XAGE5: variants seen among roughly 807,000 people sequenced by gnomAD.
XAGE5 encodes the protein G antigen, family D, 5.
Under a neutral mutation model 13.1 loss-of-function variants are expected in XAGE5, and 13 were observed. The ratio of observed to expected loss-of-function variants is 0.99; its 90% CI spans 0.64 to 1.57. The LOEUF is 1.57. Among genes scored for constraint, XAGE5 ranks in the 40% most tolerant of loss-of-function variants. The pLI is 0.00. For missense variants in XAGE5, 86 were observed against 77.6 expected (o/e 1.11, Z -0.41); for synonymous variants, 17 against 25.0 (o/e 0.68, Z 0.96).
At chrX:52,815,692 T>G (rs1428000227) in intron 5 of XAGE5, among the ~76,000 whole-genome samples, 1 of 112,551 alleles carries the variant, frequency 8.9e-6, no homozygotes, top group Non-Finnish European at 1.9e-5. Context: ...ATCCATTTCA[T>G]TGCTGATTTC....
At chrX:52,814,218 C>T (rs1556777781) in intron 4 of XAGE5, 1 of 330,441 alleles carries the variant, frequency 3.0e-6, no homozygotes, top group South Asian at 2.6e-5. Flanking sequence ...GGACAAAACG[C>T]AGTTCAGTGA....
At chrX:52,814,919 C>A (rs1203109561) in intron 4 of XAGE5, 173 bp from the exon 5 acceptor site, 7 of 520,200 alleles carry the variant, frequency 1.3e-5, no homozygotes, top group Non-Finnish European at 2.2e-5. Context: ...TGTGCTGAGA[C>A]TTATCCTCAG....
At chrX:52,818,079 T>C in intron 5 of XAGE5, 112 bp from the exon 6 acceptor site, 1 of 922,929 alleles carries the variant, frequency 1.1e-6, no homozygotes. Context: ...CTTCAGATTC[T>C]GGTTTTAGTC....
At chrX:52,817,487 G>C (rs1355594376) in intron 5 of XAGE5, among the ~76,000 whole-genome samples, 1 of 111,574 alleles carries the variant, frequency 9.0e-6, no homozygotes, top group African/African-American at 3.3e-5. Flanking sequence ...AACGGGAATA[G>C]TTTCCAGTGA....
chrX:52,811,557 C>T lies in XAGE5; in HGVS notation c.-171C>T, dbSNP rs192081535. 1.9e-3 allele frequency among the ~76,000 whole-genome samples: 207 copies of T among 110,742 alleles called. No homozygotes were observed. Among genetic ancestry groups the T allele is most frequent in the Non-Finnish European group, 3.3e-3 (176 of 52,868 alleles). On this transcript the variant is annotated 5_prime_UTR_variant, in exon 2 of 6. The change creates a new upstream start codon in the 5' untranslated region. Transcript: ENST00000375501. ...CCTTCTTGTCTTGTAGGGGTCAGGA[C>T]GAAGGAAGAAGGAGGGCTTCGGAGT...
At chrX:52,812,277 G>C (rs187984341) in intron 2 of XAGE5, 11 of 266,214 alleles carry the variant, frequency 4.1e-5, no homozygotes, top group African/African-American at 3.1e-4. Context: ...GCTTTGGTTT[G>C]GTTTGGCTTT....
In XAGE5 at chrX:52,813,127, G is replaced by A. The variant is rs376750831; in HGVS notation, c.73-13G>A. 91 of 1,199,118 alleles carry A rather than the reference G, an allele frequency of 7.6e-5. No homozygotes were observed. Among genetic ancestry groups the A allele is most frequent in the Middle Eastern group, 2.3e-4 (1 of 4,337 alleles). On this transcript the variant is annotated splice_polypyrimidine_tract_variant and intron_variant, in intron 3 of 5. Coordinates refer to ENST00000375501, the MANE Select transcript of XAGE5 (RefSeq NM_001386970.1). ...TCCACACACACACACCACCACCCCC[G>A]CCCTTGTCCCAGGAGCCCAGTGTGC...
intron 2 of XAGE5, among the ~76,000 whole-genome samples, chrX:52,811,959 A>C (rs782040201): frequency 9.0e-6 from 1 of 111,273 alleles, no homozygotes; most frequent in East Asian, 2.8e-4. Context: ...GGGCACTTTA[A>C]TTTTAATTCT....
chrX:52,811,821 C>T (rs912077510), intron 2 of XAGE5, among the ~76,000 whole-genome samples, 102 bp downstream of exon 2: 1 of 110,739 alleles, frequency 9.0e-6, no homozygotes, highest in African/African-American at 3.3e-5. Flanking sequence ...GAGGACTGCC[C>T]AGTGCTATGT....
At chrX:52,815,891 T>C (rs1427189215) in intron 5 of XAGE5, among the ~76,000 whole-genome samples, 1 of 112,405 alleles carries the variant, frequency 8.9e-6, no homozygotes, top group African/African-American at 3.2e-5. Flanking sequence ...TTCTTGGATT[T>C]TGTCAAATCC....
At chrX:52,814,510 T>G (rs1261564493) in intron 4 of XAGE5, among the ~76,000 whole-genome samples, 1 of 112,415 alleles carries the variant, frequency 8.9e-6, no homozygotes, top group Non-Finnish European at 1.9e-5. Context: ...TGGATTATTT[T>G]AGCAATTCAC....
At position 52,813,183 on chromosome X, in the gene XAGE5, A is replaced by G. The variant is rs1392362613; in HGVS notation, c.116A>G (p.Glu39Gly). ...PEPQQEEPPT[E>G]SQDHTPGQKR... ...CCTCAACAAGAAGAACCACCAACTG[A>G]AAGTCAGGATCATACACCTGGTCAG... is the stretch of plus-strand genomic sequence containing the variant. Residue 39 changes from glutamate to glycine, a missense_variant, in exon 4 of 6, where the codon GAA (glutamate) becomes GGA (glycine). Physicochemically the swap from Glu to Gly is moderately conservative, Grantham distance 98. Transcript: ENST00000375501. 1 of 1,209,209 alleles carries G rather than the reference A, an allele frequency of 8.3e-7. No individual in the cohort carries two copies. The highest frequency in any genetic ancestry group is 1.1e-6 in the Non-Finnish European group (1 of 894,966).
intron 2 of XAGE5, 71 bp from the exon 3 acceptor site, chrX:52,812,487 TG>T: frequency 1.0e-6 from 1 of 989,358 alleles, no homozygotes; most frequent in Non-Finnish European, 1.4e-6. Flanking sequence ...TTGGCCAAGC[TG>T]GCCTCGAGCT....
intron 4 of XAGE5, chrX:52,814,196 G>A (rs1343212260): frequency 1.2e-5 from 4 of 327,473 alleles, no homozygotes; most frequent in Admixed American, 3.1e-5. Flanking sequence ...AAGGTACTTC[G>A]ATATTGGCTC....
chrX:52,813,159 C>T lies in XAGE5; in HGVS notation c.92C>T (p.Pro31Leu). The T allele has an allele frequency of 8.3e-7, 1 of 1,210,845 alleles. No homozygotes were observed. Among genetic ancestry groups the T allele is most frequent in the East Asian group, 3.0e-5 (1 of 33,823 alleles). The stretch of plus-strand genomic sequence containing the variant: ...TCCCAGGAGCCCAGTGTGCCAGAGC[C>T]TCAACAAGAAGAACCACCAACTGAA... ...GPMLEPSVPE[P>L]QQEEPPTESQ... The change falls in exon 4 of 6, where the codon CCT (proline) becomes CTT (leucine). Residue 31 changes from proline to leucine, a missense_variant. By Grantham distance (98) the Pro-to-Leu change is moderately conservative (BLOSUM62 -3). Coordinates refer to ENST00000375501, the MANE Select transcript of XAGE5 (RefSeq NM_001386970.1).
At chrX:52,813,959 C>T (rs1289865585) in intron 4 of XAGE5, among the ~76,000 whole-genome samples, 6 of 110,988 alleles carry the variant, frequency 5.4e-5, no homozygotes, top group Non-Finnish European at 9.4e-5. Context: ...GCCAAGATCG[C>T]GCCACTGCAC....
At chrX:52,813,837 T>C (rs1926851505) in intron 4 of XAGE5, among the ~76,000 whole-genome samples, 1 of 111,269 alleles carries the variant, frequency 9.0e-6, no homozygotes, top group Admixed American at 9.6e-5. Context: ...ATCCTGTCTC[T>C]ACTAAAAATA....
intron 5 of XAGE5, among the ~76,000 whole-genome samples, chrX:52,815,425 G>GA (rs1308070045): frequency 8.9e-6 from 1 of 112,202 alleles, no homozygotes; most frequent in Non-Finnish European, 1.9e-5. Context: ...AAGCCATATT[G>GA]AACCATCAAA....
chrX:52,816,306 C>T (rs1384596094), intron 5 of XAGE5, among the ~76,000 whole-genome samples: 2 of 112,062 alleles, frequency 1.8e-5, no homozygotes, highest in African/African-American at 3.3e-5. Flanking sequence ...AGACCATTCC[C>T]GCAGTGAAGC....
Sources: allele counts gnomAD v4.1 joint callset (sites outside exome capture counted in the v4.1 genomes callset), GRCh38; gene constraint gnomAD v4.1.1; transcripts MANE v1.5; gene names NCBI Gene and HGNC (gene_info 2026-07-23, HGNC 2026-07-21).